The following DSCAM variants were observed in gnomAD, a reference collection of about 807,000 sequenced individuals.
The protein encoded by DSCAM is DS cell adhesion molecule.
DSCAM carries 47 observed loss-of-function variants against 217.7 expected under a neutral mutation model. The ratio of observed to expected loss-of-function variants is 0.22; its 90% CI spans 0.17 to 0.28. The LOEUF is 0.28. Among genes scored for constraint, DSCAM ranks in the 10% least tolerant of loss-of-function variants. DSCAM has a pLI of 1.00. For synonymous variants in DSCAM, 1,056 were observed against 1,015.3 expected, an observed-to-expected ratio of 1.04 and a Z score of -0.76; for missense variants, 2,080 against 2,618.3, an observed-to-expected ratio of 0.79 and a Z score of 4.49.
chr21:40,433,252 G>A (rs530300726), intron 3 of DSCAM, among the ~76,000 whole-genome samples: 3 of 151,424 alleles, frequency 2.0e-5, no homozygotes, highest in Non-Finnish European at 4.4e-5. Context: ...GGGAGGCTGA[G>A]GCAGAAGAAT....
intron 3 of DSCAM, among the ~76,000 whole-genome samples, chr21:40,432,174 G>A (rs2075539668): frequency 6.6e-6 from 1 of 151,686 alleles, no homozygotes; most frequent in African/African-American, 2.4e-5. Flanking sequence ...TTCAGTCCGG[G>A]CAACAGCATG....
At chr21:40,698,086 CTTATAG>C (rs1297434509) in intron 2 of DSCAM, among the ~76,000 whole-genome samples, 1 of 152,172 alleles carries the variant, frequency 6.6e-6, no homozygotes, top group Non-Finnish European at 1.5e-5. Flanking sequence ...CGAAAAGCAT[CTTATAG>C]TTATAAGAAG....
intron 3 of DSCAM, among the ~76,000 whole-genome samples, chr21:40,479,284 C>T (rs1041299609): frequency 6.6e-6 from 1 of 152,186 alleles, no homozygotes; most frequent in Non-Finnish European, 1.5e-5. Context: ...CCCTATAAAG[C>T]CCAGTGCTTC....
At chr21:40,690,327 T>C (rs2090525633) in intron 3 of DSCAM, among the ~76,000 whole-genome samples, 7 of 152,176 alleles carry the variant, frequency 4.6e-5, no homozygotes, top group Admixed American at 4.6e-4. Flanking sequence ...TTTGGGGCCT[T>C]GTTGTCATTT....
intron 1 of DSCAM, among the ~76,000 whole-genome samples, chr21:40,747,659 G>T (rs1412219568): frequency 6.6e-6 from 1 of 151,560 alleles, no homozygotes; most frequent in African/African-American, 2.4e-5. Context: ...TTTCTCACAA[G>T]AATTCTACCA....
intron 1 of DSCAM, among the ~76,000 whole-genome samples, chr21:40,840,043 A>G (rs1421268359): frequency 3.9e-5 from 6 of 152,236 alleles, no homozygotes; most frequent in Non-Finnish European, 8.8e-5. Context: ...ATCAGCGTTG[A>G]TCACATAGAA....
chr21:40,357,024 C>A (rs2074701033), intron 4 of DSCAM, among the ~76,000 whole-genome samples: 1 of 152,074 alleles, frequency 6.6e-6, no homozygotes, highest in Non-Finnish European at 1.5e-5. Context: ...AATGAGGGAA[C>A]CTAAATACTC....
At chr21:40,757,623 C>T (rs1195657940) in intron 1 of DSCAM, among the ~76,000 whole-genome samples, 1 of 152,180 alleles carries the variant, frequency 6.6e-6, no homozygotes, top group Non-Finnish European at 1.5e-5. Flanking sequence ...GCTAGTCCAC[C>T]AGAGGGTAAA....
intron 10 of DSCAM, among the ~76,000 whole-genome samples, chr21:40,294,845 T>C (rs374209560): frequency 6.2e-4 from 95 of 152,336 alleles, no homozygotes; most frequent in African/African-American, 2.2e-3. Context: ...CAGGATTTTA[T>C]TTTTGAAGAA....
chr21:40,657,543 G>C (rs1213310578), intron 3 of DSCAM, among the ~76,000 whole-genome samples: 1 of 152,146 alleles, frequency 6.6e-6, no homozygotes, highest in Non-Finnish European at 1.5e-5. Context: ...GCTGAGAACA[G>C]GATACCAGAG....
chr21:40,828,241 A>AAAAT (rs1213694084), intron 1 of DSCAM, among the ~76,000 whole-genome samples: 2 of 152,140 alleles, frequency 1.3e-5, no homozygotes, highest in Non-Finnish European at 2.9e-5. Context: ...TGTTTCTATA[A>AAAAT]AAATAAATAA....
chr21:40,179,168 A>T, intron 14 of DSCAM, 74 bp from the exon 15 acceptor site: 1 of 642,444 alleles, frequency 1.6e-6, no homozygotes, highest in Non-Finnish European at 2.3e-6. Context: ...AAAGTTCACA[A>T]GTAGGAATTA....
intron 21 of DSCAM, among the ~76,000 whole-genome samples, chr21:40,089,951 C>G (rs557154840): frequency 1.4e-4 from 21 of 152,322 alleles, no homozygotes; most frequent in Middle Eastern, 3.4e-3. Context: ...ACTGTCAGCA[C>G]TCCCTGCTGG....
At chr21:40,427,467 C>G (rs1190895241) in intron 3 of DSCAM, among the ~76,000 whole-genome samples, 10 of 152,206 alleles carry the variant, frequency 6.6e-5, no homozygotes, top group Admixed American at 5.2e-4. Context: ...GGGTCAGTAT[C>G]AGGATCGTTT....
At chr21:40,462,446 T>A (rs1219722492) in intron 3 of DSCAM, among the ~76,000 whole-genome samples, 3 of 152,242 alleles carry the variant, frequency 2.0e-5, no homozygotes, top group Non-Finnish European at 4.4e-5. Flanking sequence ...TGGCTTAATG[T>A]AGCTCTTGGT....
intron 3 of DSCAM, among the ~76,000 whole-genome samples, chr21:40,536,823 A>G (rs569100313): frequency 6.6e-6 from 1 of 152,280 alleles, no homozygotes; most frequent in East Asian, 1.9e-4. Context: ...GACACAGAAA[A>G]TTTTGGCAAT....
chr21:40,436,864 G>A (rs891236008), intron 3 of DSCAM, among the ~76,000 whole-genome samples: 2 of 151,964 alleles, frequency 1.3e-5, no homozygotes, highest in African/African-American at 4.8e-5. Context: ...TCAATTTATA[G>A]AATTTAGATT....
Position 40,369,212 on chromosome 21 carries a change from A to T in DSCAM, c.542T>A (p.Leu181Ter). Residue 181 changes from leucine (L) to a stop codon, truncating the protein, a stop_gained, in exon 4 of 33, where the codon TTG (leucine) becomes TAG (stop). Transcript: ENST00000400454. LOFTEE classifies it high-confidence loss of function. ...TTCATTCTGTACATCTTTAATATAC[A>T]AGGCTCCCGTGGATGTGATGAGAAA... Reference protein sequence around the residue: ...SRFLITSTGALYIKDVQNEDG... With the variant: ...SRFLITSTGA 6.2e-7 allele frequency: 1 copy of T among 1,611,332 alleles called. No individual in the cohort carries two copies. Among genetic ancestry groups the T allele is most frequent in the Non-Finnish European group, 8.5e-7 (1 of 1,178,854 alleles).
chr21:40,806,443 C>T (rs1232781659), intron 1 of DSCAM, among the ~76,000 whole-genome samples: 1 of 152,172 alleles, frequency 6.6e-6, no homozygotes, highest in Non-Finnish European at 1.5e-5. Flanking sequence ...TCCAGTCTAG[C>T]TCTTGCAATA....
Sources: allele counts gnomAD v4.1 joint callset (sites outside exome capture counted in the v4.1 genomes callset), GRCh38; gene constraint gnomAD v4.1.1; transcripts MANE v1.5; gene names NCBI Gene and HGNC (gene_info 2026-07-23, HGNC 2026-07-21).